CCDC69: variants seen among roughly 807,000 people sequenced by gnomAD.
CCDC69 encodes the protein coiled-coil domain-containing protein 69.
Under a neutral mutation model 40.3 loss-of-function variants are expected in CCDC69, and 38 were observed. The ratio of observed to expected loss-of-function variants is 0.94; its 90% CI spans 0.73 to 1.24. The LOEUF (loss-of-function observed/expected upper bound fraction) is 1.24. Ranked by LOEUF, CCDC69 falls within the 50% of genes most tolerant of loss-of-function variation. The probability of loss-of-function intolerance (pLI) is 0.00; values close to 1 mark genes in which losing one functional copy is unlikely to be tolerated. For synonymous variants in CCDC69, 141 were observed against 138.9 expected, an observed-to-expected ratio of 1.02 and a Z score of -0.11; for missense variants, 389 against 357.9, an observed-to-expected ratio of 1.09 and a Z score of -0.70.
At chr5:151,191,357 A>ATTAACCAAACTTTATGAATACTAC (rs1752608866) in intron 4 of CCDC69, among the ~76,000 whole-genome samples, 1 of 152,070 alleles carries the variant, frequency 6.6e-6, no homozygotes, top group Non-Finnish European at 1.5e-5. Flanking sequence ...CTGAATACTA[A>ATTAACCAAACTTTATGAATACTAC]CATTAACCAA....
chr5:151,205,297 C>T, intron 2 of CCDC69, 103 bp downstream of exon 2: 1 of 948,612 alleles, frequency 1.1e-6, no homozygotes, highest in Non-Finnish European at 1.7e-6. Flanking sequence ...GGTAACCTAT[C>T]TGAGATCTCA....
intron 3 of CCDC69, among the ~76,000 whole-genome samples, chr5:151,199,896 G>A (rs1006837044): frequency 1.3e-5 from 2 of 152,186 alleles, no homozygotes; most frequent in African/African-American, 4.8e-5. Context: ...TCTGAAAAAT[G>A]CGTCTAAGCT....
In CCDC69 at chr5:151,183,132, C is replaced by T. The variant is rs752787835; in HGVS notation, c.*305G>A. ...CAAATGGCCAGCGTGACACAGACTG[C>T]CCCTGGGAAAGCCTCGGAACTTCTC... On this transcript the variant is annotated 3_prime_UTR_variant, in exon 9 of 9. Transcript: ENST00000355417. 1 of 524,588 alleles carries T rather than the reference C, an allele frequency of 1.9e-6. No individual in the cohort carries two copies. Among genetic ancestry groups the T allele is most frequent in the Non-Finnish European group, 3.6e-6 (1 of 276,100 alleles). 32.5% of individuals were successfully genotyped at this position (524,588 alleles called of 1,614,324 possible). A position where few individuals can be genotyped will look rare whatever the true frequency, so the allele number is the denominator to read the frequency against.
chr5:151,183,322 G>T lies in CCDC69; in HGVS notation c.*115C>A. On this transcript the variant is annotated 3_prime_UTR_variant, in exon 9 of 9. Transcript: ENST00000355417. ...GGCACACACCCAGGATCTCCATCTCGCTCCCACCCTCGTTCCTTCCTGGAA... is the reference window on the plus strand; with the variant it reads ...GGCACACACCCAGGATCTCCATCTCTCTCCCACCCTCGTTCCTTCCTGGAA... 8.4e-7 allele frequency: 1 copy of T among 1,193,906 alleles called. No individual in the cohort carries two copies. Among genetic ancestry groups the T allele is most frequent in the Non-Finnish European group, 1.2e-6 (1 of 821,710 alleles). 74.0% of individuals were successfully genotyped at this position (1,193,906 alleles called of 1,614,324 possible). A position where few individuals can be genotyped will look rare whatever the true frequency, so the allele number is the denominator to read the frequency against.
At chr5:151,220,604 C>A (rs886544961) in intron 1 of CCDC69, among the ~76,000 whole-genome samples, 9 of 152,204 alleles carry the variant, frequency 5.9e-5, no homozygotes, top group African/African-American at 2.2e-4. Flanking sequence ...GAATGACTGA[C>A]CCACCAAGTA....
In CCDC69 at chr5:151,183,509, A is replaced by G; in HGVS notation, c.819T>C (p.Leu273=). ...GGAAGGCAGGCGAGGCATTGGCCCC[A>G]AGGACCCGGTACAACAGCTCCTCCT... The part of the protein sequence containing the change: ...QEKEELLYRV[L]GANASPAFPL... Residue 273 remains leucine, a synonymous_variant, in exon 9 of 9, where the codon CTT becomes CTC. Transcript: ENST00000355417. 1.2e-6 allele frequency: 2 copies of G among 1,608,562 alleles called. No homozygotes were observed. Among genetic ancestry groups the G allele is most frequent in the Non-Finnish European group, 1.7e-6 (2 of 1,178,202 alleles).
At chr5:151,213,942 G>A (rs543829583) in intron 1 of CCDC69, among the ~76,000 whole-genome samples, 1 of 152,266 alleles carries the variant, frequency 6.6e-6, no homozygotes, top group African/African-American at 2.4e-5. Flanking sequence ...AGGCTTACGG[G>A]AACCCAGAGC....
At chr5:151,211,263 A>G (rs1752943258) in intron 1 of CCDC69, 1 of 152,086 alleles carries the variant, frequency 6.6e-6, no homozygotes, top group Non-Finnish European at 1.5e-5. Flanking sequence ...TGTTTTCTCC[A>G]TGTTCCAGGC....
At chr5:151,188,231 G>A (rs554997408) in intron 4 of CCDC69, among the ~76,000 whole-genome samples, 33 of 152,174 alleles carry the variant, frequency 2.2e-4, no homozygotes, top group African/African-American at 7.5e-4. Context: ...GACAATCAAC[G>A]GGCAGAATGG....
intron 1 of CCDC69, among the ~76,000 whole-genome samples, chr5:151,221,631 C>T (rs568105206): frequency 6.6e-6 from 1 of 152,382 alleles, no homozygotes; most frequent in South Asian, 2.1e-4. Context: ...ACTTTGGACC[C>T]ATCGTTCCTC....
At chr5:151,200,596 G>A (rs1401581705) in intron 3 of CCDC69, among the ~76,000 whole-genome samples, 3 of 152,206 alleles carry the variant, frequency 2.0e-5, no homozygotes, top group Non-Finnish European at 2.9e-5. Context: ...AAGAAATGGA[G>A]GCAAAGAGAG....
chr5:151,219,447 G>T lies in CCDC69; in HGVS notation c.48+4476C>A, dbSNP rs142388368. On this transcript the variant is annotated intron_variant, in intron 1 of 8. Transcript: ENST00000355417. ...CAAGGGATGTTCATCAATTACCAGGGTAGGAGTGCAGACTGCAAAGAACCA... is the reference window on the plus strand; with the variant it reads ...CAAGGGATGTTCATCAATTACCAGGTTAGGAGTGCAGACTGCAAAGAACCA... Among the ~76,000 whole-genome samples the T allele has an allele frequency of 4.3e-4, 66 of 152,190 alleles. 1 individual carries two copies. In the East Asian group the frequency reaches 0.011, roughly 26 times the overall value.
chr5:151,202,028 C>T (rs1752782800), intron 2 of CCDC69, among the ~76,000 whole-genome samples: 1 of 152,088 alleles, frequency 6.6e-6, no homozygotes, highest in South Asian at 2.1e-4. Context: ...CTCATTTTGT[C>T]CTCTGGTCTC....
At chr5:151,203,529 T>A (rs10062642) in intron 2 of CCDC69, among the ~76,000 whole-genome samples, 21 of 144,138 alleles carry the variant, frequency 1.5e-4, no homozygotes, top group Middle Eastern at 3.8e-3. Flanking sequence ...AAAATAAAAA[T>A]AAAAAATAAA....
intron 2 of CCDC69, among the ~76,000 whole-genome samples, chr5:151,204,525 T>G (rs1752826383): frequency 6.6e-6 from 1 of 152,174 alleles, no homozygotes; most frequent in African/African-American, 2.4e-5. Context: ...TTCTTTGAGA[T>G]TGTGTTGAAT....
At chr5:151,206,156 A>G (rs1264293175) in intron 1 of CCDC69, among the ~76,000 whole-genome samples, 1 of 152,182 alleles carries the variant, frequency 6.6e-6, no homozygotes, top group Non-Finnish European at 1.5e-5. Flanking sequence ...AGTGGCTCAC[A>G]GAACTTGGGA....
At chr5:151,200,525 A>G (rs1352120816) in intron 3 of CCDC69, among the ~76,000 whole-genome samples, 1 of 152,244 alleles carries the variant, frequency 6.6e-6, no homozygotes, top group East Asian at 1.9e-4. Flanking sequence ...GAAAATTTAG[A>G]GAAAACTTGT....
chr5:151,186,101 T>G lies in CCDC69; in HGVS notation c.417A>C (p.Ser139=). The G allele has an allele frequency of 6.2e-7, 1 of 1,613,768 alleles. No individual in the cohort carries two copies. Among genetic ancestry groups the G allele is most frequent in the Non-Finnish European group, 8.5e-7 (1 of 1,179,726 alleles). Reference sequence around the variant, plus strand: ...TTTTGGCCTGGAAAGCCTCCAGCTGTGAGGTCAGTCTGTCTATGGTCTCCT... The same window carrying G: ...TTTTGGCCTGGAAAGCCTCCAGCTGGGAGGTCAGTCTGTCTATGGTCTCCT... ...TQQETIDRLT[S]QLEAFQAKMK... is the part of the protein sequence containing the mutation. Residue 139 remains serine (S), a synonymous_variant, in exon 6 of 9, where the codon TCA becomes TCC. Coordinates refer to ENST00000355417, the MANE Select transcript of CCDC69 (RefSeq NM_015621.3).
At chr5:151,194,918 A>ATACATGC (rs1752676655) in intron 4 of CCDC69, among the ~76,000 whole-genome samples, 1 of 148,790 alleles carries the variant, frequency 6.7e-6, no homozygotes, top group Non-Finnish European at 1.5e-5. Context: ...AAAAGAATCT[A>ATACATGC]TACATGCATT....
Sources: allele counts gnomAD v4.1 joint callset (sites outside exome capture counted in the v4.1 genomes callset), GRCh38; gene constraint gnomAD v4.1.1; transcripts MANE v1.5; gene names NCBI Gene and HGNC (gene_info 2026-07-23, HGNC 2026-07-21).